BCAS3: variants seen among roughly 807,000 people sequenced by gnomAD.
BCAS3 encodes BCAS3 microtubule associated cell migration factor, also known as BCAS4/BCAS3 fusion.
A neutral mutation model predicts 116.1 loss-of-function variants in BCAS3; 53 were observed. The observed-to-expected ratio is 0.46, with a 90% confidence interval of 0.37 to 0.57. The LOEUF (loss-of-function observed/expected upper bound fraction) is 0.57, where lower values mean the gene tolerates loss of function less well. Ranked by LOEUF, BCAS3 falls within the 20% of genes least tolerant of loss-of-function variation. The pLI is 0.00. For missense variants in BCAS3, 917 were observed against 1,165.4 expected, an observed-to-expected ratio of 0.79 and a Z score of 3.10; for synonymous variants, 391 against 408.2, an observed-to-expected ratio of 0.96 and a Z score of 0.51.
rs780389941 is a variant in BCAS3, at chr17:61,244,297, G to A, written c.2426-124030G>A. The stretch of plus-strand genomic sequence containing the variant: ...TGCATTTGTATACACACATATATAC[G>A]CTATTGTTTGTAAAATGAAATCACA... On this transcript the variant is annotated intron_variant, in intron 22 of 23. Coordinates refer to ENST00000407086, the MANE Select transcript of BCAS3 (RefSeq NM_017679.5). This position sits in a 1 kb window ranked among gnomAD's most constrained non-coding sequence, Gnocchi z 4.9. Among the ~76,000 whole-genome samples, 2 of 151,942 alleles carry A rather than the reference G, an allele frequency of 1.3e-5. No individual in the cohort carries two copies. The highest frequency in any genetic ancestry group is 2.1e-4 in the South Asian group (1 of 4,818).
intron 5 of BCAS3, among the ~76,000 whole-genome samples, chr17:60,714,368 GTTGAGT>G (rs1427447632): frequency 6.6e-6 from 1 of 151,998 alleles, no homozygotes; most frequent in Non-Finnish European, 1.5e-5. Context: ...ACTCCCTCTT[GTTGAGT>G]TTAATATAAC....
intron 7 of BCAS3, among the ~76,000 whole-genome samples, chr17:60,865,115 G>A (rs1180917164): frequency 1.3e-5 from 2 of 151,972 alleles, no homozygotes; most frequent in Non-Finnish European, 2.9e-5. Context: ...GTGATGGAGA[G>A]ACACTAGTTG....
chr17:60,877,487 C>A (rs2055723127), intron 9 of BCAS3, among the ~76,000 whole-genome samples: 1 of 152,134 alleles, frequency 6.6e-6, no homozygotes, highest in African/African-American at 2.4e-5. Context: ...TTTCTTAATG[C>A]CTTTCATGCT....
chr17:61,076,366 A>T (rs113536593), intron 20 of BCAS3, among the ~76,000 whole-genome samples: 4 of 152,190 alleles, frequency 2.6e-5, no homozygotes, highest in African/African-American at 9.7e-5. Context: ...AAGTAAAGTA[A>T]ACTGGAAAAT....
chr17:60,780,020 C>T (rs1482729312), intron 6 of BCAS3, among the ~76,000 whole-genome samples: 1 of 149,232 alleles, frequency 6.7e-6, no homozygotes, highest in African/African-American at 2.5e-5. Context: ...GATGGAGTCT[C>T]GCTCTGTTGC....
At position 61,287,229 on chromosome 17, in the gene BCAS3, C is replaced by T. The variant is rs1005140281; in HGVS notation, c.2426-81098C>T. Among the ~76,000 whole-genome samples, 14 of 150,122 alleles carry T rather than the reference C, an allele frequency of 9.3e-5. 1 individual carries two copies. The highest frequency in any genetic ancestry group is 3.9e-4 in the East Asian group (2 of 5,086). On this transcript the variant is annotated intron_variant, in intron 22 of 23. Transcript: ENST00000407086. ...CACCACTTCACTCCAGCCTGGGCAA[C>T]AGAGCCAGACTCTTAAAAAAAAAAA...
chr17:60,865,831 G>A (rs371096670), intron 7 of BCAS3, among the ~76,000 whole-genome samples: 13 of 152,102 alleles, frequency 8.5e-5, no homozygotes, highest in African/African-American at 2.7e-4. Flanking sequence ...ATTTTGCCTC[G>A]TTCTTGACCT....
At chr17:61,070,092 T>C in intron 19 of BCAS3, 2 of 1,576,908 alleles carry the variant, frequency 1.3e-6, no homozygotes, top group Non-Finnish European at 1.7e-6. Context: ...TTGACCACTA[T>C]GCTATCATCA....
At position 61,315,447 on chromosome 17, in the gene BCAS3, G is replaced by A. The variant is rs931842056; in HGVS notation, c.2426-52880G>A. ...GCACTCCTGTTCTGAGACACGGGAG[G>A]GCATGCAGAGCAGTCTCGGAGCGGA... On this transcript the variant is annotated intron_variant, in intron 22 of 23. Coordinates refer to ENST00000407086, the MANE Select transcript of BCAS3 (RefSeq NM_017679.5). This position sits in a 1 kb window ranked among gnomAD's most constrained non-coding sequence, Gnocchi z 5.3. Among the ~76,000 whole-genome samples the A allele has an allele frequency of 2.0e-5, 3 of 152,178 alleles. No individual in the cohort carries two copies. Among genetic ancestry groups the A allele is most frequent in the East Asian group, 1.9e-4 (1 of 5,176 alleles).
intron 22 of BCAS3, among the ~76,000 whole-genome samples, chr17:61,120,848 G>A (rs578168502): frequency 6.6e-6 from 1 of 152,038 alleles, no homozygotes; most frequent in South Asian, 2.1e-4. Context: ...CTTATACATT[G>A]CAATTGGTTG....
intron 12 of BCAS3, among the ~76,000 whole-genome samples, chr17:60,923,200 C>T (rs574511194): frequency 3.3e-5 from 5 of 152,168 alleles, no homozygotes; most frequent in South Asian, 2.1e-4. Flanking sequence ...ATTGGAGGTT[C>T]TAGCTAGATC....
At chr17:61,237,694 TAGAG>T (rs2083175041) in intron 22 of BCAS3, among the ~76,000 whole-genome samples, 1 of 152,114 alleles carries the variant, frequency 6.6e-6, no homozygotes. Flanking sequence ...TGGAAGAAAA[TAGAG>T]ACTCAGAGAA....
chr17:61,305,232 G>A (rs2053760721), intron 22 of BCAS3, among the ~76,000 whole-genome samples: 1 of 152,170 alleles, frequency 6.6e-6, no homozygotes, highest in Admixed American at 6.5e-5. Flanking sequence ...CCGGTGCATA[G>A]TCAATCAGCC....
chr17:61,004,560 T>A lies in BCAS3; in HGVS notation c.1487-11191T>A, dbSNP rs1021820065. ...CAGGAACTAGAAATCTGCTAGTTGA[T>A]AGTTGTAAACTACAAAAGGACAACA... On this transcript the variant is annotated intron_variant, in intron 15 of 23. Transcript: ENST00000407086. This position sits in a 1 kb window ranked among gnomAD's most constrained non-coding sequence, Gnocchi z 4.8. 2.0e-5 allele frequency among the ~76,000 whole-genome samples: 3 copies of A among 152,108 alleles called. No individual in the cohort carries two copies. Among genetic ancestry groups the A allele is most frequent in the Non-Finnish European group, 2.9e-5 (2 of 68,004 alleles).
intron 6 of BCAS3, among the ~76,000 whole-genome samples, chr17:60,786,426 G>A (rs1329387919): frequency 3.3e-5 from 5 of 151,988 alleles, no homozygotes; most frequent in African/African-American, 4.8e-5. Context: ...GGAGGCTAAG[G>A]TAGGAGGATC....
chr17:61,026,844 T>C lies in BCAS3; in HGVS notation c.1638-7822T>C. The C allele has an allele frequency of 6.3e-7, 1 of 1,584,402 alleles. No individual in the cohort carries two copies. The highest frequency in any genetic ancestry group is 2.3e-5 in the East Asian group (1 of 44,094). On this transcript the variant is annotated intron_variant, in intron 16 of 23. Coordinates refer to ENST00000407086, the MANE Select transcript of BCAS3 (RefSeq NM_017679.5). The surrounding 1 kb of genome is among the most constrained non-coding windows in gnomAD (Gnocchi z 5.0). ...GAGTTTTTCTCTAATTTTTTGTGCA[T>C]TTTTCCCCCTTTTCCATGAAGGCCT...
intron 6 of BCAS3, among the ~76,000 whole-genome samples, chr17:60,752,894 G>T (rs1237642615): frequency 1.3e-5 from 2 of 152,104 alleles, no homozygotes; most frequent in African/African-American, 2.4e-5. Flanking sequence ...GCCCAGGCTG[G>T]GATGCAGTGG....
chr17:60,776,415 T>G (rs1428557917), intron 6 of BCAS3, among the ~76,000 whole-genome samples: 1 of 152,146 alleles, frequency 6.6e-6, no homozygotes, highest in African/African-American at 2.4e-5. Context: ...CTTTAACCTA[T>G]CTTATAACAA....
intron 2 of BCAS3, among the ~76,000 whole-genome samples, chr17:60,682,278 C>T (rs558411765): frequency 6.6e-6 from 1 of 152,182 alleles, no homozygotes; most frequent in East Asian, 1.9e-4. Context: ...GTATAAAGGT[C>T]TTGATTCAAA....
Sources: gnomAD v4.1 joint callset for allele counts (sites outside exome capture counted in the v4.1 genomes callset) on GRCh38, gnomAD v4.1.1 for gene constraint, Gnocchi (gnomAD v3.1) non-coding constraint, MANE v1.5 for transcripts, NCBI Gene and HGNC (gene_info 2026-07-23, HGNC 2026-07-21) for gene names.